The following ZNF331 variants were observed in gnomAD, a reference collection of about 807,000 sequenced individuals.
ZNF331 encodes C2H2-like zinc finger protein rearranged in thyroid adenomas.
ZNF331 carries 2 observed loss-of-function variants against 7.0 expected under a neutral mutation model. The ratio of observed to expected loss-of-function variants is 0.29; its 90% CI spans 0.12 to 0.90. The LOEUF is 0.90. Among genes scored for constraint, ZNF331 ranks in the 40% least tolerant of loss-of-function variants. ZNF331 has a pLI of 0.58. For missense variants in ZNF331, 432 were observed against 587.7 expected, an observed-to-expected ratio of 0.74 and a Z score of 2.74; for synonymous variants, 196 against 205.4, an observed-to-expected ratio of 0.95 and a Z score of 0.39.
chr19:53,552,132 G>A (rs1384533899), intron 2 of ZNF331, among the ~76,000 whole-genome samples: 6 of 152,102 alleles, frequency 3.9e-5, no homozygotes, highest in Admixed American at 3.9e-4. Flanking sequence ...AAAATGGTTT[G>A]CATAAATGTC....
chr19:53,562,562 C>T (rs927753016), intron 3 of ZNF331, among the ~76,000 whole-genome samples: 5 of 150,790 alleles, frequency 3.3e-5, no homozygotes, highest in Admixed American at 6.6e-5. Context: ...TGGTGGCAAG[C>T]GCCTATAATC....
At chr19:53,569,501 A>T in intron 4 of ZNF331, 116 bp downstream of exon 4, 1 of 1,269,052 alleles carries the variant, frequency 7.9e-7, no homozygotes, top group Non-Finnish European at 1.1e-6. Flanking sequence ...CCTGTTTCCC[A>T]GCTCTTTCTA....
the ZNF331 span, among the ~76,000 whole-genome samples, chr19:53,504,528 C>T: frequency 9.9e-5 from 15 of 152,124 alleles, no homozygotes; most frequent in South Asian, 2.1e-4. Context: ...GGGAGGAAGA[C>T]ACTGAAACGT....
At chr19:53,540,217 C>T (rs8110501) in intron 2 of ZNF331, among the ~76,000 whole-genome samples, 103,700 of 152,066 alleles carry the variant, frequency 0.68, 35,985 homozygotes, top group African/African-American at 0.79. Flanking sequence ...TACCATAGAC[C>T]GGTGGCTGAA....
At chr19:53,536,386 A>G (rs1170509375), upstream of ZNF331, 1 of 152,214 alleles carries the variant, frequency 6.6e-6, no homozygotes, top group African/African-American at 2.4e-5. Context: ...TCAGATTAAC[A>G]CCCTCAAATC....
At chr19:53,550,639 C>T (rs2088935406) in intron 2 of ZNF331, among the ~76,000 whole-genome samples, 1 of 138,150 alleles carries the variant, frequency 7.2e-6, no homozygotes, top group African/African-American at 2.7e-5. Flanking sequence ...CAAGTTCAAG[C>T]GATTCTCCTG....
the ZNF331 span, among the ~76,000 whole-genome samples, chr19:53,511,676 T>C: frequency 6.6e-6 from 1 of 152,198 alleles, no homozygotes. Context: ...GAGTCCCTCA[T>C]GGACTGCAGG....
intron 3 of ZNF331, among the ~76,000 whole-genome samples, chr19:53,562,058 G>A (rs2089917886): frequency 6.6e-6 from 1 of 152,176 alleles, no homozygotes; most frequent in Admixed American, 6.5e-5. Context: ...TGAGGCAGGA[G>A]AATTGCTTGA....
chr19:53,513,304 C>T, the ZNF331 span, among the ~76,000 whole-genome samples: 1 of 151,790 alleles, frequency 6.6e-6, no homozygotes. Context: ...TTGGAAATAC[C>T]CATTTCCTTC....
chr19:53,577,247 G>A lies in ZNF331; in HGVS notation c.687G>A (p.Glu229=), dbSNP rs1568553310. The A allele has an allele frequency of 1.2e-6, 2 of 1,613,740 alleles. No individual in the cohort carries two copies. The highest frequency in any genetic ancestry group is 4.5e-5 in the East Asian group (2 of 44,862). ...GAAAGGCCTTTCGGCGTGGTGATGA[G>A]CTCACTCAGCACCAGAGATTCCACA... ...DCGKAFRRGD[E]LTQHQRFHTG... Residue 229 remains glutamate (E), a synonymous_variant, in exon 6 of 6, where the codon GAG becomes GAA. Transcript: ENST00000449416.
At chr19:53,514,866 G>A (rs988876070), upstream of ZNF331, among the ~76,000 whole-genome samples, 1 of 151,974 alleles carries the variant, frequency 6.6e-6, no homozygotes, top group African/African-American at 2.4e-5. Flanking sequence ...TAGCCAGGAT[G>A]GTCTTGATCT....
upstream of ZNF331, chr19:53,537,352 C>CGGCA (rs1296041964): frequency 6.6e-6 from 1 of 152,280 alleles, no homozygotes; most frequent in Non-Finnish European, 1.5e-5. Flanking sequence ...ATAGCAGCTC[C>CGGCA]GGCAGCCTGT....
intron 2 of ZNF331, among the ~76,000 whole-genome samples, chr19:53,526,577 G>A (rs567920020): frequency 6.7e-5 from 10 of 148,656 alleles, no homozygotes; most frequent in African/African-American, 1.7e-4. Flanking sequence ...TTTTTGAGAC[G>A]GAGTCTCGCC....
At chr19:53,513,742 T>C in the ZNF331 span, among the ~76,000 whole-genome samples, 46,073 of 150,718 alleles carry the variant, frequency 0.31, 6,055 homozygotes, top group African/African-American at 0.37. Flanking sequence ...ACCTCCGCCT[T>C]CCGGGGAGGC....
Position 53,573,506 on chromosome 19 carries a change from T to G in ZNF331, c.136+1776T>G, listed in dbSNP as rs1258851609. Among the ~76,000 whole-genome samples, 2 of 151,964 alleles carry G rather than the reference T, an allele frequency of 1.3e-5. No homozygotes were observed. Among genetic ancestry groups the G allele is most frequent in the East Asian group, 3.9e-4 (2 of 5,138 alleles). On this transcript the variant is annotated intron_variant, in intron 5 of 5. Transcript: ENST00000449416. This position sits in a 1 kb window ranked among gnomAD's most constrained non-coding sequence, Gnocchi z 4.2. ...GATTTTTTTCTTTTTTTCACTCTGT[T>G]ACTCAGGCTGGAGTGCAGTGGCGCG...
At chr19:53,517,964 G>T (rs1033696664), upstream of ZNF331, among the ~76,000 whole-genome samples, 4 of 152,188 alleles carry the variant, frequency 2.6e-5, no homozygotes, top group African/African-American at 9.7e-5. Flanking sequence ...TTAATATTAA[G>T]TGTCAACTTG....
intron 2 of ZNF331, among the ~76,000 whole-genome samples, chr19:53,525,352 G>A (rs1422213441): frequency 1.3e-5 from 2 of 152,132 alleles, no homozygotes; most frequent in Non-Finnish European, 2.9e-5. Context: ...AAATTACCTT[G>A]GGCGGTATGG....
At position 53,571,847 on chromosome 19, in the gene ZNF331, A is replaced by T; in HGVS notation, c.136+117A>T. On this transcript the variant is annotated intron_variant, in intron 5 of 5. Coordinates refer to ENST00000449416, the MANE Select transcript of ZNF331 (RefSeq NM_001079906.2). The surrounding 1 kb of genome is among the most constrained non-coding windows in gnomAD (Gnocchi z 4.7). ...AATTTCTTCTTCCTGTCCCCAAGGA[A>T]TGTATTGAGCCTTATTGATGTGGCC... 1 of 1,382,718 alleles carries T rather than the reference A, an allele frequency of 7.2e-7. No homozygotes were observed. Among genetic ancestry groups the T allele is most frequent in the Non-Finnish European group, 9.8e-7 (1 of 1,022,660 alleles). 85.7% of individuals were successfully genotyped at this position (1,382,718 alleles called of 1,614,324 possible). A position where few individuals can be genotyped will look rare whatever the true frequency, so the allele number is the denominator to read the frequency against.
In ZNF331 at chr19:53,547,521, T is replaced by C. The variant is rs560772987; in HGVS notation, c.-138+8239T>C. Among the ~76,000 whole-genome samples the C allele has an allele frequency of 1.3e-5, 2 of 152,346 alleles. 1 individual carries two copies. The highest frequency in any genetic ancestry group is 4.1e-4 in the South Asian group (2 of 4,828). On this transcript the variant is annotated intron_variant, in intron 2 of 5. Transcript: ENST00000449416. Reference sequence around the variant, plus strand: ...GAGCACAGGTATCGCCATGACATACTAATTTCATTTTCTTTGGATATATAC... The same window carrying C: ...GAGCACAGGTATCGCCATGACATACCAATTTCATTTTCTTTGGATATATAC...
Sources: allele counts gnomAD v4.1 joint callset (sites outside exome capture counted in the v4.1 genomes callset), GRCh38; gene constraint gnomAD v4.1.1; non-coding constraint Gnocchi (gnomAD v3.1); transcripts MANE v1.5; gene names NCBI Gene and HGNC (gene_info 2026-07-23, HGNC 2026-07-21).